Variants in OSTN observed in about 807,000 individuals in gnomAD.
OSTN encodes the protein osteocrin.
A neutral mutation model predicts 12.0 loss-of-function variants in OSTN; 9 were observed. That is an observed-to-expected ratio of 0.75 (90% CI 0.45 to 1.30). OSTN has a LOEUF of 1.30. Ranked by LOEUF, OSTN falls within the 50% of genes most tolerant of loss-of-function variation. OSTN has a pLI of 0.00. For synonymous variants in OSTN, 59 were observed against 56.9 expected (o/e 1.04, Z -0.16); for missense variants, 148 against 152.3 (o/e 0.97, Z 0.15).
At chr3:191,251,528 T>A (rs1715561095) in intron 4 of OSTN, among the ~76,000 whole-genome samples, 2 of 152,206 alleles carry the variant, frequency 1.3e-5, no homozygotes, top group Non-Finnish European at 2.9e-5. Context: ...CTTGTCTTAA[T>A]TTAAATCATC....
chr3:191,205,435 T>TAAA (rs10662024), intron 1 of OSTN, among the ~76,000 whole-genome samples: 3,571 of 147,826 alleles, frequency 0.024, 46 homozygotes, highest in Non-Finnish European at 0.034. Flanking sequence ...TCACGTCAAG[T>TAAA]AAAAAAAAAT....
chr3:191,210,942 A>T (rs1365705859), intron 1 of OSTN, among the ~76,000 whole-genome samples: 1 of 152,250 alleles, frequency 6.6e-6, no homozygotes, highest in African/African-American at 2.4e-5. Flanking sequence ...TGTAGGCCAT[A>T]GATGAGCTTC....
intron 2 of OSTN, among the ~76,000 whole-genome samples, chr3:191,217,501 A>G (rs1170677311): frequency 6.6e-6 from 1 of 152,228 alleles, no homozygotes; most frequent in Non-Finnish European, 1.5e-5. Flanking sequence ...TTTTTCCCTC[A>G]TGGGAATATT....
At chr3:191,255,428 C>A (rs778575167) in intron 4 of OSTN, among the ~76,000 whole-genome samples, 2 of 152,186 alleles carry the variant, frequency 1.3e-5, no homozygotes, top group Non-Finnish European at 1.5e-5. Flanking sequence ...TTTTTATTGG[C>A]TCTATAAAGT....
At chr3:191,210,110 A>G (rs1714380232) in intron 1 of OSTN, among the ~76,000 whole-genome samples, 1 of 152,218 alleles carries the variant, frequency 6.6e-6, no homozygotes, top group South Asian at 2.1e-4. Context: ...GATGGAAAGC[A>G]AAGAGGAAGC....
chr3:191,259,043 C>A (rs1035268881), intron 4 of OSTN, among the ~76,000 whole-genome samples: 47 of 152,126 alleles, frequency 3.1e-4, no homozygotes, highest in African/African-American at 1.1e-3. Context: ...AAAGAAGACT[C>A]CCAGAAAGGA....
rs548969363 is a variant in OSTN at position 191,259,198 on chromosome 3, C to CTGT, written c.*13-3666_*13-3664dup. ...AAGTGAAAGTAAACGGGAAAACAAT[C>CTGT]TGTTTTTTTTTTTTGAGACAGACTC... On this transcript the variant is annotated intron_variant, in intron 4 of 4. Transcript: ENST00000682035. 1.2e-3 allele frequency among the ~76,000 whole-genome samples: 119 copies of CTGT among 100,872 alleles called. 2 individuals are homozygous for CTGT. Among genetic ancestry groups the CTGT allele is most frequent in the African/African-American group, 3.7e-3 (114 of 30,946 alleles). 66.2% of individuals were successfully genotyped at this position (100,872 alleles called of 152,430 possible). A position where few individuals can be genotyped will look rare whatever the true frequency, so the allele number is the denominator to read the frequency against.
chr3:191,255,691 G>T (rs957530399), intron 4 of OSTN, among the ~76,000 whole-genome samples: 1 of 151,252 alleles, frequency 6.6e-6, no homozygotes, highest in Admixed American at 6.6e-5. Flanking sequence ...CCAATCTGTT[G>T]TAAGATATAA....
At chr3:191,243,422 T>C (rs999760956) in intron 3 of OSTN, among the ~76,000 whole-genome samples, 3 of 152,160 alleles carry the variant, frequency 2.0e-5, no homozygotes, top group Non-Finnish European at 4.4e-5. Flanking sequence ...CAAATGGTTG[T>C]GTATTCACAC....
rs962991135 is a variant in OSTN, at chr3:191,225,836, AAG to A, written c.317+6882_317+6883del. ...CTGGAGGCTACAAAAGGTGGAAGGG[AAG>A]AGAGAGGAGTTGATAAACTACCTAC... On this transcript the variant is annotated intron_variant, in intron 3 of 4. Coordinates refer to ENST00000682035, the MANE Select transcript of OSTN (RefSeq NM_198184.2). Among the ~76,000 whole-genome samples the A allele has an allele frequency of 1.8e-3, 271 of 152,244 alleles. 1 individual carries two copies. The highest frequency in any genetic ancestry group is 6.0e-3 in the African/African-American group (249 of 41,556).
intron 1 of OSTN, among the ~76,000 whole-genome samples, chr3:191,201,775 C>G: frequency 6.6e-6 from 1 of 151,652 alleles, no homozygotes; most frequent in East Asian, 1.9e-4. Context: ...TAATTTTGTT[C>G]GTTAAAATGA....
At chr3:191,246,525 G>A (rs776985539) in intron 3 of OSTN, among the ~76,000 whole-genome samples, 15 of 151,428 alleles carry the variant, frequency 9.9e-5, no homozygotes, top group Non-Finnish European at 1.8e-4. Context: ...AGAATTGCTT[G>A]AGCCCAGGAG....
At chr3:191,228,751 G>A (rs972649751) in intron 3 of OSTN, 1 of 152,094 alleles carries the variant, frequency 6.6e-6, no homozygotes, top group African/African-American at 2.4e-5. Context: ...CAGTAGAGGA[G>A]GTGGAATTTT....
At chr3:191,238,332 A>G (rs1285665854) in intron 3 of OSTN, among the ~76,000 whole-genome samples, 1 of 152,112 alleles carries the variant, frequency 6.6e-6, no homozygotes, top group Non-Finnish European at 1.5e-5. Flanking sequence ...AAGAGCATGC[A>G]GGAGGGGGAA....
intron 3 of OSTN, among the ~76,000 whole-genome samples, chr3:191,225,403 T>G (rs115038054): frequency 0.013 from 1,974 of 152,288 alleles, 33 homozygotes; most frequent in African/African-American, 0.04. Flanking sequence ...AGCTATCAAA[T>G]AATTTCAATA....
In OSTN at chr3:191,224,207, G is replaced by A. The variant is rs148269739; in HGVS notation, c.317+5246G>A. Among the ~76,000 whole-genome samples the A allele has an allele frequency of 5.9e-5, 9 of 151,710 alleles. 1 individual carries two copies. The East Asian group carries it at 7.8e-4, about 13-fold the overall frequency. On this transcript the variant is annotated intron_variant, in intron 3 of 4. Coordinates refer to ENST00000682035, the MANE Select transcript of OSTN (RefSeq NM_198184.2). ...AGCCTGACCGACATGGAAAAACCCC[G>A]TCTCTACTAAGAATACAAAATTAGC...
chr3:191,233,426 T>C (rs562188340), intron 3 of OSTN, among the ~76,000 whole-genome samples: 2 of 152,222 alleles, frequency 1.3e-5, no homozygotes, highest in East Asian at 3.9e-4. Flanking sequence ...AGTTACCATT[T>C]TATTTCTGTT....
At chr3:191,204,194 T>C (rs1714218358) in intron 1 of OSTN, among the ~76,000 whole-genome samples, 1 of 152,110 alleles carries the variant, frequency 6.6e-6, no homozygotes, top group Non-Finnish European at 1.5e-5. Flanking sequence ...CCAGCTGATA[T>C]TTTAATTTTT....
At chr3:191,212,867 CTTTTTTTTT>C (rs397991965) in intron 2 of OSTN, among the ~76,000 whole-genome samples, 2 of 93,080 alleles carry the variant, frequency 2.1e-5, no homozygotes, top group African/African-American at 8.0e-5. Flanking sequence ...TCTTTTCTTT[CTTTTTTTTT>C]TTTTTTTTTT....
Sources: allele counts gnomAD v4.1 joint callset (sites outside exome capture counted in the v4.1 genomes callset), GRCh38; gene constraint gnomAD v4.1.1; transcripts MANE v1.5; gene names NCBI Gene and HGNC (gene_info 2026-07-23, HGNC 2026-07-21).